Variants in NCBP1 observed in about 807,000 individuals in gnomAD.
NCBP1 encodes the protein nuclear cap-binding protein subunit 1.
Under a neutral mutation model 111.7 loss-of-function variants are expected in NCBP1, and 16 were observed. The observed-to-expected ratio is 0.14, with a 90% CI of 0.10 to 0.22. The LOEUF is 0.22. NCBP1 is among the 10% of genes least tolerant of loss of function. The pLI is 1.00. For synonymous variants in NCBP1, 304 were observed against 314.3 expected, an observed-to-expected ratio of 0.97 and a Z score of 0.35; for missense variants, 607 against 957.5, an observed-to-expected ratio of 0.63 and a Z score of 4.83.
chr9:97,660,710 T>C (rs891570000), intron 15 of NCBP1, among the ~76,000 whole-genome samples: 1 of 152,226 alleles, frequency 6.6e-6, no homozygotes, highest in Non-Finnish European at 1.5e-5. Flanking sequence ...TAGCTAAGTG[T>C]CCTTAATGAA....
At position 97,640,825 on chromosome 9, in the gene NCBP1, T is replaced by C; in HGVS notation, c.66T>C (p.Ser22=). 6.2e-7 allele frequency: 1 copy of C among 1,610,214 alleles called. No homozygotes were observed. Residue 22 remains serine, a synonymous_variant, in exon 2 of 23, where the codon TCT becomes TCC. Transcript: ENST00000375147. ...AGCCTCACAAAAGGAGAAAGACCTCTGATGCAAATGAAACTGAAGATCATT... is the reference window on the plus strand; with the variant it reads ...AGCCTCACAAAAGGAGAAAGACCTCCGATGCAAATGAAACTGAAGATCATT... ...GGQPHKRRKT[S]DANETEDHLE... is the part of the protein sequence containing the mutation.
chr9:97,659,068 C>G (rs1354726246), intron 15 of NCBP1, among the ~76,000 whole-genome samples: 1 of 152,210 alleles, frequency 6.6e-6, no homozygotes, highest in Non-Finnish European at 1.5e-5. Context: ...AATTCATTAT[C>G]TTGTTCAGGT....
chr9:97,664,475 C>A, intron 19 of NCBP1, 32 bp downstream of exon 19: 1 of 1,439,956 alleles, frequency 6.9e-7, no homozygotes, highest in Non-Finnish European at 9.7e-7. Flanking sequence ...AACTTGTGTT[C>A]CCTAAGAATT....
intron 6 of NCBP1, among the ~76,000 whole-genome samples, chr9:97,646,982 T>A: frequency 6.6e-6 from 1 of 151,678 alleles, no homozygotes; most frequent in Non-Finnish European, 1.5e-5. Flanking sequence ...ATTTGTTGCA[T>A]AAAAATACTT....
At chr9:97,658,064 A>G (rs1472396373) in intron 14 of NCBP1, among the ~76,000 whole-genome samples, 1 of 151,542 alleles carries the variant, frequency 6.6e-6, no homozygotes, top group African/African-American at 2.4e-5. Context: ...CCTAGTTTCT[A>G]GTAAAGTAGT....
chr9:97,668,599 G>C (rs1307095691), intron 20 of NCBP1, among the ~76,000 whole-genome samples: 2 of 152,002 alleles, frequency 1.3e-5, no homozygotes, highest in Admixed American at 1.3e-4. Context: ...TTGTTACCAA[G>C]ACAAGTGCCA....
Position 97,655,696 on chromosome 9 carries a change from A to T in NCBP1, c.1236-6A>T. ...TTCTCTGCCTACCTCCCCCTTCTCT[A>T]CGTAGGTTTATTAATTGGTTTTCTC... On this transcript the variant is annotated splice_polypyrimidine_tract_variant and splice_region_variant and intron_variant, in intron 12 of 22. Coordinates refer to ENST00000375147, the MANE Select transcript of NCBP1 (RefSeq NM_002486.5). 6.2e-7 allele frequency: 1 copy of T among 1,608,466 alleles called. No individual in the cohort carries two copies. The highest frequency in any genetic ancestry group is 8.5e-7 in the Non-Finnish European group (1 of 1,177,246).
intron 15 of NCBP1, among the ~76,000 whole-genome samples, chr9:97,660,038 T>G (rs1827787373): frequency 6.6e-6 from 1 of 152,242 alleles, no homozygotes; most frequent in African/African-American, 2.4e-5. Flanking sequence ...TAAATATTTT[T>G]TAACCGTTAG....
At chr9:97,661,557 T>C (rs1827834304) in intron 16 of NCBP1, among the ~76,000 whole-genome samples, 1 of 152,180 alleles carries the variant, frequency 6.6e-6, no homozygotes, top group African/African-American at 2.4e-5. Flanking sequence ...ATAGAAAAAC[T>C]ACTGAATCAA....
intron 17 of NCBP1, 146 bp from the exon 18 acceptor site, chr9:97,662,808 C>A: frequency 1.7e-6 from 1 of 601,878 alleles, no homozygotes. Context: ...TGTGATCACA[C>A]TTTTTGCATC....
chr9:97,647,433 G>T, intron 6 of NCBP1, 59 bp from the exon 7 acceptor site: 2 of 1,319,484 alleles, frequency 1.5e-6, no homozygotes, highest in Non-Finnish European at 2.2e-6. Context: ...AACTGTGAGG[G>T]TGACTGAGCA....
At chr9:97,668,529 T>C (rs1326005191) in intron 20 of NCBP1, among the ~76,000 whole-genome samples, 1 of 152,174 alleles carries the variant, frequency 6.6e-6, no homozygotes, top group Non-Finnish European at 1.5e-5. Context: ...GCAAGCTGTC[T>C]CCCTGTTGTT....
Position 97,669,637 on chromosome 9 carries a change from T to C in NCBP1, c.2190T>C (p.Thr730=), listed in dbSNP as rs564671348. 9.9e-6 allele frequency: 16 copies of C among 1,613,380 alleles called. No individual in the cohort carries two copies. The South Asian group carries it at 1.8e-4, about 18-fold the overall frequency. ...ILTEHLVRCE[T]DGTSVLTPWY... ...CCGAGCACCTAGTACGATGCGAAAC[T>C]GATGGGACCAGTGTATTAACACCAT... is the stretch of plus-strand genomic sequence containing the variant. The change falls in exon 22 of 23, where the codon ACT becomes ACC. Residue 730 remains threonine, a synonymous_variant. Coordinates refer to ENST00000375147, the MANE Select transcript of NCBP1 (RefSeq NM_002486.5).
At chr9:97,657,928 T>G (rs201519454) in intron 14 of NCBP1, among the ~76,000 whole-genome samples, 4 of 63,226 alleles carry the variant, frequency 6.3e-5, no homozygotes, top group African/African-American at 2.2e-4. Flanking sequence ...ATATATATAT[T>G]TTTTTTTTTT....
intron 5 of NCBP1, 76 bp downstream of exon 5, chr9:97,645,300 A>G: frequency 8.4e-7 from 1 of 1,186,208 alleles, no homozygotes; most frequent in Non-Finnish European, 1.2e-6. Context: ...ATATAGTACC[A>G]GGAATTTTTC....
intron 14 of NCBP1, among the ~76,000 whole-genome samples, chr9:97,657,903 T>G (rs1173650808): frequency 1.5e-5 from 1 of 67,936 alleles, no homozygotes; most frequent in African/African-American, 6.8e-5. Context: ...TCTCTCTCTC[T>G]CTCTATATAT....
At chr9:97,666,977 A>G (rs1828023556) in intron 20 of NCBP1, 100 bp downstream of exon 20, 1 of 921,856 alleles carries the variant, frequency 1.1e-6, no homozygotes, top group East Asian at 2.8e-5. Context: ...ATTTTTTCTG[A>G]GCCCAAATTA....
intron 14 of NCBP1, among the ~76,000 whole-genome samples, chr9:97,657,713 A>G (rs554511424): frequency 6.6e-6 from 1 of 152,076 alleles, no homozygotes; most frequent in South Asian, 2.1e-4. Context: ...TTCTACATTT[A>G]TTAGTGGGCC....
At chr9:97,666,690 A>G in intron 19 of NCBP1, 73 bp from the exon 20 acceptor site, 1 of 998,032 alleles carries the variant, frequency 1.0e-6, no homozygotes, top group South Asian at 1.7e-5. Context: ...GAATGAAATT[A>G]CAAAAGTTGA....
Sources: allele counts gnomAD v4.1 joint callset (sites outside exome capture counted in the v4.1 genomes callset), GRCh38; gene constraint gnomAD v4.1.1; transcripts MANE v1.5; gene names NCBI Gene and HGNC (gene_info 2026-07-23, HGNC 2026-07-21).